ZNF469: variants seen among roughly 807,000 people sequenced by gnomAD.
The protein encoded by ZNF469 is zinc finger protein 469.
A neutral mutation model predicts 1.0 loss-of-function variants in ZNF469; 1 was observed. The ratio of observed to expected loss-of-function variants is 1.00; its 90% CI spans 0.35 to 4.73. The LOEUF is 4.73. ZNF469 is among the 30% of genes most tolerant of loss of function. ZNF469 has a pLI of 0.16. For synonymous variants in ZNF469, 2,703 were observed against 2,363.4 expected (o/e 1.14, Z -4.17); for missense variants, 6,100 against 5,356.3 (o/e 1.14, Z -4.33).
chr16:88,234,378 C>T, the ZNF469 span, among the ~76,000 whole-genome samples: 3 of 152,228 alleles, frequency 2.0e-5, no homozygotes, highest in African/African-American at 7.2e-5. Context: ...ACTTGTGTGA[C>T]CTTGTGTGAT....
the ZNF469 span, among the ~76,000 whole-genome samples, chr16:88,351,761 G>C: frequency 5.9e-5 from 9 of 152,154 alleles, no homozygotes; most frequent in African/African-American, 2.2e-4. Flanking sequence ...GGGGTTGTGC[G>C]GGGCTCCAGG....
At chr16:88,365,635 C>G in the ZNF469 span, among the ~76,000 whole-genome samples, 3 of 152,190 alleles carry the variant, frequency 2.0e-5, no homozygotes, top group African/African-American at 4.8e-5. Flanking sequence ...CTCAGCTGGT[C>G]CATTTGGGCT....
At chr16:88,220,007 C>T in the ZNF469 span, among the ~76,000 whole-genome samples, 5 of 152,240 alleles carry the variant, frequency 3.3e-5, no homozygotes, top group Non-Finnish European at 4.4e-5. Context: ...TGCTCACCTT[C>T]CTGGTTCTCC....
chr16:88,281,769 A>G, the ZNF469 span, among the ~76,000 whole-genome samples: 956 of 114,436 alleles, frequency 8.4e-3, no homozygotes, highest in Middle Eastern at 0.079. Flanking sequence ...ATGGGTTAGT[A>G]CTGTGCCACA....
the ZNF469 span, among the ~76,000 whole-genome samples, chr16:88,283,834 A>G: frequency 6.8e-6 from 1 of 147,014 alleles, no homozygotes; most frequent in African/African-American, 2.6e-5. Flanking sequence ...GTAGACCCCC[A>G]GTGTGCCCAA....
the ZNF469 span, among the ~76,000 whole-genome samples, chr16:88,247,290 CGAGTGAATGAGTGAGT>C: frequency 2.3e-5 from 3 of 129,816 alleles, no homozygotes; most frequent in Non-Finnish European, 4.8e-5. Context: ...AATGAGTGAG[CGAGTGAATGAGTGAGT>C]GAGTGAATGA....
At chr16:88,255,801 G>C in the ZNF469 span, among the ~76,000 whole-genome samples, 1 of 152,194 alleles carries the variant, frequency 6.6e-6, no homozygotes, top group Admixed American at 6.5e-5. Context: ...GCTTATCACA[G>C]CCTTAGGATG....
the ZNF469 span, among the ~76,000 whole-genome samples, chr16:88,287,245 T>C: frequency 6.6e-6 from 1 of 152,256 alleles, no homozygotes; most frequent in South Asian, 2.1e-4. Flanking sequence ...TGCCACAATT[T>C]GTCTACCCAA....
chr16:88,235,116 G>C, the ZNF469 span, among the ~76,000 whole-genome samples: 1 of 152,156 alleles, frequency 6.6e-6, no homozygotes, highest in African/African-American at 2.4e-5. Context: ...GGCTGCTGCT[G>C]AAATTCTTGA....
At chr16:88,158,327 G>T in the ZNF469 span, among the ~76,000 whole-genome samples, 1 of 152,046 alleles carries the variant, frequency 6.6e-6, no homozygotes, top group Non-Finnish European at 1.5e-5. Flanking sequence ...GCTAGAGAGT[G>T]GGGTGGGGGC....
chr16:88,110,130 T>C, the ZNF469 span, among the ~76,000 whole-genome samples: 4 of 152,156 alleles, frequency 2.6e-5, no homozygotes, highest in Admixed American at 6.5e-5. Context: ...ATGAAATCAT[T>C]AACACTTCTT....
chr16:88,309,643 T>TG, the ZNF469 span, among the ~76,000 whole-genome samples: 1 of 143,780 alleles, frequency 7.0e-6, no homozygotes, highest in African/African-American at 2.6e-5. Flanking sequence ...GGACACCTGA[T>TG]GGGGGGAGTG....
the ZNF469 span, among the ~76,000 whole-genome samples, chr16:88,193,819 G>T: frequency 1.3e-5 from 2 of 152,228 alleles, no homozygotes; most frequent in African/African-American, 4.8e-5. Flanking sequence ...AGTGTCTGGT[G>T]AGGCCCATTT....
chr16:88,110,437 C>T, the ZNF469 span, among the ~76,000 whole-genome samples: 1 of 152,264 alleles, frequency 6.6e-6, no homozygotes, highest in Non-Finnish European at 1.5e-5. Flanking sequence ...CTGGCTCTCC[C>T]AGGTGTCGCT....
chr16:88,239,916 T>C, the ZNF469 span, among the ~76,000 whole-genome samples: 2 of 146,822 alleles, frequency 1.4e-5, no homozygotes, highest in Non-Finnish European at 3.0e-5. Context: ...GAAATTTACA[T>C]TATTTCCAGC....
the ZNF469 span, among the ~76,000 whole-genome samples, chr16:88,263,388 C>T: frequency 0.31 from 46,467 of 152,168 alleles, 7,645 homozygotes; most frequent in Non-Finnish European, 0.38. Context: ...GAATCGGGAA[C>T]GCCCGCTCCC....
chr16:88,409,383 G>A (rs369263746), intron 1 of ZNF469, among the ~76,000 whole-genome samples: 1 of 152,258 alleles, frequency 6.6e-6, no homozygotes, highest in South Asian at 2.1e-4. Context: ...ACGTGAAAGC[G>A]GGAGGGCAGC....
At chr16:88,110,702 C>CA in the ZNF469 span, among the ~76,000 whole-genome samples, 7 of 152,142 alleles carry the variant, frequency 4.6e-5, no homozygotes, top group South Asian at 2.1e-4. Flanking sequence ...CTTCTCTAGA[C>CA]AAAAAATGCC....
the ZNF469 span, among the ~76,000 whole-genome samples, chr16:88,336,902 A>G: frequency 1.3e-5 from 2 of 152,062 alleles, no homozygotes; most frequent in African/African-American, 4.8e-5. Flanking sequence ...CGAGTCTACC[A>G]TCTCTGCTCT....
Sources: gnomAD v4.1 joint callset for allele counts (sites outside exome capture counted in the v4.1 genomes callset) on GRCh38, gnomAD v4.1.1 for gene constraint, MANE v1.5 for transcripts, NCBI Gene and HGNC (gene_info 2026-07-23, HGNC 2026-07-21) for gene names.